PDE1C: variants seen among roughly 807,000 people sequenced by gnomAD.
PDE1C encodes phosphodiesterase 1C.
A neutral mutation model predicts 93.1 loss-of-function variants in PDE1C; 62 were observed. The ratio of observed to expected loss-of-function variants is 0.67; its 90% CI spans 0.54 to 0.82. PDE1C has a LOEUF of 0.82. Among genes scored for constraint, PDE1C ranks in the 40% least tolerant of loss-of-function variants. PDE1C has a pLI of 0.00. For synonymous variants in PDE1C, 325 were observed against 310.1 expected (o/e 1.05, Z -0.50); for missense variants, 742 against 884.6 (o/e 0.84, Z 2.04).
At chr7:31,726,593 T>C in the PDE1C span, among the ~76,000 whole-genome samples, 1 of 152,220 alleles carries the variant, frequency 6.6e-6, no homozygotes, top group African/African-American at 2.4e-5. Context: ...TTCGTAGTCA[T>C]GTCTGATCAC....
the PDE1C span, among the ~76,000 whole-genome samples, chr7:31,709,695 G>C: frequency 1.3e-5 from 2 of 152,104 alleles, no homozygotes; most frequent in Admixed American, 1.3e-4. Context: ...GATATCACTG[G>C]GTGACTTGGG....
intron 17 of PDE1C, among the ~76,000 whole-genome samples, chr7:31,755,289 T>C (rs552626240): frequency 1.3e-5 from 2 of 152,304 alleles, no homozygotes; most frequent in African/African-American, 2.4e-5. Context: ...TGATTATATA[T>C]AAAATACTTA....
intron 2 of PDE1C, among the ~76,000 whole-genome samples, chr7:31,884,478 T>G (rs2128885522): frequency 6.6e-6 from 1 of 152,162 alleles, no homozygotes; most frequent in South Asian, 2.1e-4. Context: ...TTAAAAAGAG[T>G]TAAGTGGTGA....
At chr7:32,044,084 A>T (rs1026375698) in intron 2 of PDE1C, among the ~76,000 whole-genome samples, 1 of 152,150 alleles carries the variant, frequency 6.6e-6, no homozygotes, top group Non-Finnish European at 1.5e-5. Flanking sequence ...TTCCCCACTT[A>T]AAAAAATCAG....
At chr7:32,051,415 G>A (rs983519082) in intron 2 of PDE1C, 139 bp downstream of exon 2, 11 of 783,648 alleles carry the variant, frequency 1.4e-5, no homozygotes, top group African/African-American at 5.2e-5. Context: ...CAGCAGTCAC[G>A]ATCGGAGATA....
chr7:32,205,601 A>ACC (rs566467632), intron 2 of PDE1C, among the ~76,000 whole-genome samples: 8 of 68,598 alleles, frequency 1.2e-4, no homozygotes, highest in African/African-American at 2.6e-4. Flanking sequence ...AAAGCAGGCC[A>ACC]ACCCCCCAGC....
chr7:31,890,789 T>C (rs1798524895), intron 2 of PDE1C, among the ~76,000 whole-genome samples: 1 of 151,618 alleles, frequency 6.6e-6, no homozygotes, highest in Non-Finnish European at 1.5e-5. Flanking sequence ...ACAGTTCCCT[T>C]TCTTAAGATT....
chr7:32,422,581 A>G (rs1009241455), intron 1 of PDE1C, among the ~76,000 whole-genome samples: 1 of 151,274 alleles, frequency 6.6e-6, no homozygotes, highest in Non-Finnish European at 1.5e-5. Context: ...AAGTAAGATC[A>G]TGTATACTTG....
At chr7:32,313,065 CAA>C (rs1487104647) in intron 1 of PDE1C, among the ~76,000 whole-genome samples, 1 of 149,744 alleles carries the variant, frequency 6.7e-6, no homozygotes, top group Non-Finnish European at 1.5e-5. Flanking sequence ...AAGAAAAAAA[CAA>C]ACAACCCCAT....
intron 17 of PDE1C, among the ~76,000 whole-genome samples, chr7:31,754,758 G>A (rs780936838): frequency 1.3e-5 from 2 of 152,192 alleles, no homozygotes; most frequent in Non-Finnish European, 2.9e-5. Context: ...GGTTAAATAG[G>A]TGAAGCACAG....
At chr7:31,808,958 T>C in intron 16 of PDE1C, 73 bp downstream of exon 16, 1 of 833,106 alleles carries the variant, frequency 1.2e-6, no homozygotes, top group Non-Finnish European at 2.0e-6. Flanking sequence ...ATTTCAATTT[T>C]GGGTATGATT....
At chr7:32,348,728 G>A (rs1230077483) in intron 1 of PDE1C, among the ~76,000 whole-genome samples, 2 of 152,230 alleles carry the variant, frequency 1.3e-5, no homozygotes, top group Non-Finnish European at 2.9e-5. Context: ...CTTATCTGGG[G>A]TAGGGGGACT....
At chr7:32,001,208 C>T (rs531049370) in intron 2 of PDE1C, among the ~76,000 whole-genome samples, 1 of 152,294 alleles carries the variant, frequency 6.6e-6, no homozygotes, top group Non-Finnish European at 1.5e-5. Context: ...GAGAAATCTA[C>T]AGTGGAAAAA....
intron 2 of PDE1C, among the ~76,000 whole-genome samples, chr7:31,953,773 T>C (rs1202022563): frequency 6.6e-6 from 1 of 152,066 alleles, no homozygotes; most frequent in Non-Finnish European, 1.5e-5. Flanking sequence ...CCATGGTCTC[T>C]TACGTGAAAA....
chr7:31,903,082 C>A (rs1383711021), intron 2 of PDE1C, among the ~76,000 whole-genome samples: 1 of 151,760 alleles, frequency 6.6e-6, no homozygotes, highest in East Asian at 1.9e-4. Flanking sequence ...AGCTGTACTA[C>A]TCTTTCCTAA....
chr7:32,007,867 G>A (rs1218269051), intron 2 of PDE1C, among the ~76,000 whole-genome samples: 1 of 152,206 alleles, frequency 6.6e-6, no homozygotes, highest in African/African-American at 2.4e-5. Flanking sequence ...TTTGTTGACT[G>A]AATGGTCAGA....
chr7:32,238,182 A>G (rs1036721138), intron 1 of PDE1C, among the ~76,000 whole-genome samples: 3 of 152,206 alleles, frequency 2.0e-5, no homozygotes, highest in Admixed American at 6.5e-5. Flanking sequence ...AAAAATCTAT[A>G]TTGTGTTCCT....
intron 3 of PDE1C, among the ~76,000 whole-genome samples, chr7:32,166,087 A>C (rs185423289): frequency 1.4e-3 from 219 of 152,146 alleles, no homozygotes; most frequent in African/African-American, 5.2e-3. Context: ...AGCGGTGGAT[A>C]TGTTATTTAG....
chr7:32,164,869 G>C (rs1421160517), intron 3 of PDE1C, among the ~76,000 whole-genome samples: 1 of 152,116 alleles, frequency 6.6e-6, no homozygotes, highest in Non-Finnish European at 1.5e-5. Context: ...AATCAGACTG[G>C]ATGGACTTGT....
Sources: allele counts gnomAD v4.1 joint callset (sites outside exome capture counted in the v4.1 genomes callset), GRCh38; gene constraint gnomAD v4.1.1; transcripts MANE v1.5; gene names NCBI Gene and HGNC (gene_info 2026-07-23, HGNC 2026-07-21).